Variants in SLC25A20 observed in about 807,000 individuals in gnomAD.
SLC25A20 encodes the protein mitochondrial carnitine/acylcarnitine carrier protein.
SLC25A20 carries 29 observed loss-of-function variants against 39.7 expected under a neutral mutation model. The observed-to-expected ratio is 0.73, with a 90% CI of 0.54 to 1.00. SLC25A20 has a LOEUF of 1.00. Among genes scored for constraint, SLC25A20 ranks in the 50% least tolerant of loss-of-function variants. The probability of loss-of-function intolerance (pLI) is 0.00; values close to 1 mark genes in which losing one functional copy is unlikely to be tolerated. For synonymous variants in SLC25A20, 103 were observed against 142.2 expected (o/e 0.72, Z 1.96); for missense variants, 333 against 379.9 (o/e 0.88, Z 1.03).
chr3:48,879,942 A>T (rs957695232), intron 3 of SLC25A20, among the ~76,000 whole-genome samples: 1 of 152,078 alleles, frequency 6.6e-6, no homozygotes, highest in Non-Finnish European at 1.5e-5. Flanking sequence ...GCCTGAGAAC[A>T]CTCTAAGCCA....
intron 1 of SLC25A20, among the ~76,000 whole-genome samples, chr3:48,896,183 ATTTT>A (rs920094418): frequency 6.9e-6 from 1 of 144,570 alleles, no homozygotes; most frequent in African/African-American, 2.5e-5. Context: ...CCTTGTTGTG[ATTTT>A]TTTTTTCTTT....
At position 48,857,773 on chromosome 3, in the gene SLC25A20, C is replaced by CT; in HGVS notation, c.844-2dup. 6.2e-7 allele frequency: 1 copy of CT among 1,613,570 alleles called. No individual in the cohort carries two copies. Among genetic ancestry groups the CT allele is most frequent in the African/African-American group, 1.3e-5 (1 of 74,966 alleles). ...CAACTTCAAAGCCAAGGAAACAGGCCTAAGAAGGGATTGGGAGGAAGAAAA... is the reference window on the plus strand; with the variant it reads ...CAACTTCAAAGCCAAGGAAACAGGCCTTAAGAAGGGATTGGGAGGAAGAAAA... On this transcript the variant is annotated splice_acceptor_variant, in intron 8 of 8. Transcript: ENST00000319017. LOFTEE classifies it high-confidence loss of function.
At position 48,897,375 on chromosome 3, in the gene SLC25A20, T is replaced by A. The variant is rs1433838686; in HGVS notation, c.105+1315A>T. On this transcript the variant is annotated intron_variant, in intron 1 of 8. Coordinates refer to ENST00000319017, the MANE Select transcript of SLC25A20 (RefSeq NM_000387.6). Reference sequence around the variant, plus strand: ...TATATATATATATATATATTTTTTTTTTTTTTTTTTTTAAGGGCGGCCCCA... The same window carrying A: ...TATATATATATATATATATTTTTTTATTTTTTTTTTTTAAGGGCGGCCCCA... Among the ~76,000 whole-genome samples the A allele has an allele frequency of 8.9e-4, 128 of 143,828 alleles. 1 individual carries two copies. Among genetic ancestry groups the A allele is most frequent in the African/African-American group, 2.8e-3 (109 of 39,294 alleles). The allele number at this position is 143,828 out of a possible 152,430, so 94.4% of individuals were successfully genotyped here.
intron 2 of SLC25A20, among the ~76,000 whole-genome samples, chr3:48,884,381 A>G (rs1438843874): frequency 6.6e-6 from 1 of 151,716 alleles, no homozygotes; most frequent in African/African-American, 2.4e-5. Context: ...ACAGGGTCTC[A>G]CTCTGTCGCC....
chr3:48,878,356 C>T (rs575290426), intron 4 of SLC25A20, among the ~76,000 whole-genome samples: 11 of 150,130 alleles, frequency 7.3e-5, no homozygotes, highest in Non-Finnish European at 1.5e-4. Flanking sequence ...TTATTTGAGA[C>T]AGGGTCTCAC....
At position 48,890,958 on chromosome 3, in the gene SLC25A20, C is replaced by G. The variant is rs567607809; in HGVS notation, c.198+1022G>C. On this transcript the variant is annotated intron_variant, in intron 2 of 8. Coordinates refer to ENST00000319017, the MANE Select transcript of SLC25A20 (RefSeq NM_000387.6). The stretch of plus-strand genomic sequence containing the variant: ...CGTGAGCCAGCGCGCCCAGCCACCC[C>G]CTTGTCTTGTATTCAATAAATATCA... 5.3e-5 allele frequency among the ~76,000 whole-genome samples: 8 copies of G among 151,570 alleles called. 1 individual carries two copies. The South Asian group carries it at 1.5e-3, about 28-fold the overall frequency.
At position 48,891,925 on chromosome 3, in the gene SLC25A20, A is replaced by G. The variant is rs2083880559; in HGVS notation, c.198+55T>C. The G allele has an allele frequency of 1.1e-5, 15 of 1,400,344 alleles. No individual in the cohort carries two copies. In the Admixed American group the frequency reaches 2.5e-4, roughly 23 times the overall value. 86.7% of individuals were successfully genotyped at this position (1,400,344 alleles called of 1,614,324 possible). A position where few individuals can be genotyped will look rare whatever the true frequency, so the allele number is the denominator to read the frequency against. On this transcript the variant is annotated intron_variant, in intron 2 of 8. Transcript: ENST00000319017. ...AACCTACTCTCCTTGGGGGTAACAA[A>G]TCAACCCCGTGAATGTGTTCTGAGT...
chr3:48,876,623 A>C (rs1218407959), intron 4 of SLC25A20, among the ~76,000 whole-genome samples: 1 of 150,998 alleles, frequency 6.6e-6, no homozygotes, highest in Non-Finnish European at 1.5e-5. Context: ...ACGGGGTTTC[A>C]CCATGTTGGT....
chr3:48,885,773 G>A (rs926072819), intron 2 of SLC25A20, among the ~76,000 whole-genome samples: 2 of 152,056 alleles, frequency 1.3e-5, no homozygotes, highest in African/African-American at 4.8e-5. Flanking sequence ...CTGTACTCCA[G>A]CCTGGCAACA....
In SLC25A20 at chr3:48,898,755, G is replaced by A. The variant is rs759378078; in HGVS notation, c.40C>T (p.Leu14=). ...QPKPISPLKN[L]LAGGFGGVCL... ...ACGCCGCCAAAGCCGCCGGCCAGCAGGTTCTTGAGCGGGCTGATGGGTTTT... is the reference window on the plus strand; with the variant it reads ...ACGCCGCCAAAGCCGCCGGCCAGCAAGTTCTTGAGCGGGCTGATGGGTTTT... The change falls in exon 1 of 9, where the codon CTG becomes TTG. Residue 14 remains leucine, a synonymous_variant. Transcript: ENST00000319017. 3 of 1,606,164 alleles carry A rather than the reference G, an allele frequency of 1.9e-6. No individual in the cohort carries two copies. Among genetic ancestry groups the A allele is most frequent in the East Asian group, 2.2e-5 (1 of 44,572 alleles).
chr3:48,894,920 C>T (rs934153945), intron 1 of SLC25A20, among the ~76,000 whole-genome samples: 7 of 152,060 alleles, frequency 4.6e-5, no homozygotes, highest in Non-Finnish European at 1.0e-4. Context: ...CAGGTTCAAG[C>T]GATTCTCCTG....
Position 48,892,019 on chromosome 3 carries a change from AGAGTACATGGGAGGTT to A in SLC25A20, c.143_158del (p.Gln48LeufsTer76). On this transcript the variant is annotated frameshift_variant, in exon 2 of 9. Transcript: ENST00000319017. LOFTEE classifies it high-confidence loss of function. ...TCTTCCGGAAACAGTCAAAGGTCCCAGAGTACATGGGAGGTTGTCCAGGCAAACTCGGTGGCTGTGT... is the reference window on the plus strand; with the variant it reads ...TCTTCCGGAAACAGTCAAAGGTCCCAGTCCAGGCAAACTCGGTGGCTGTGT... The A allele has an allele frequency of 6.2e-7, 1 of 1,614,094 alleles. No individual in the cohort carries two copies. Among genetic ancestry groups the A allele is most frequent in the Non-Finnish European group, 8.5e-7 (1 of 1,179,970 alleles).
chr3:48,857,419 G>A lies in SLC25A20; in HGVS notation c.*291C>T. 2.3e-6 allele frequency: 1 copy of A among 428,164 alleles called. No homozygotes were observed. The highest frequency in any genetic ancestry group is 4.4e-6 in the Non-Finnish European group (1 of 228,614). 26.5% of individuals were successfully genotyped at this position (428,164 alleles called of 1,614,324 possible). A position where few individuals can be genotyped will look rare whatever the true frequency, so the allele number is the denominator to read the frequency against. On this transcript the variant is annotated 3_prime_UTR_variant, in exon 9 of 9. Transcript: ENST00000319017. ...GGTAGGACCAGCAGTTAACTGGTAG[G>A]CAGCATTCTTGCCACAGGTAGTATC... is the stretch of plus-strand genomic sequence containing the variant.
In SLC25A20 at chr3:48,857,576, C is replaced by T; in HGVS notation, c.*134G>A. 1 of 774,932 alleles carries T rather than the reference C, an allele frequency of 1.3e-6. No homozygotes were observed. 48.0% of individuals were successfully genotyped at this position (774,932 alleles called of 1,614,324 possible). ...GATGTCATTAAGGCAACAGTCTCAC[C>T]AAGTCCATGCACAGGGCTCGGATCT... On this transcript the variant is annotated 3_prime_UTR_variant, in exon 9 of 9. Transcript: ENST00000319017.
chr3:48,897,770 C>T (rs1330095933), intron 1 of SLC25A20, among the ~76,000 whole-genome samples: 1 of 152,124 alleles, frequency 6.6e-6, no homozygotes, highest in East Asian at 1.9e-4. Context: ...CTCACATGGG[C>T]TTCCAATCTT....
At chr3:48,878,353 A>G (rs2083777665) in intron 4 of SLC25A20, among the ~76,000 whole-genome samples, 1 of 150,782 alleles carries the variant, frequency 6.6e-6, no homozygotes, top group African/African-American at 2.4e-5. Context: ...CGTTTATTTG[A>G]GACAGGGTCT....
intron 3 of SLC25A20, among the ~76,000 whole-genome samples, chr3:48,879,949 G>A (rs1283713658): frequency 3.3e-5 from 5 of 152,132 alleles, no homozygotes; most frequent in Admixed American, 2.0e-4. Flanking sequence ...AACACTCTAA[G>A]CCAAGATTCA....
At chr3:48,891,211 A>T (rs934610895) in intron 2 of SLC25A20, among the ~76,000 whole-genome samples, 3 of 152,182 alleles carry the variant, frequency 2.0e-5, no homozygotes, top group Non-Finnish European at 4.4e-5. Flanking sequence ...AGTAGCTGGG[A>T]CTACAGGCGC....
intron 3 of SLC25A20, among the ~76,000 whole-genome samples, chr3:48,882,159 ATATT>A (rs907045257): frequency 6.6e-6 from 1 of 152,162 alleles, no homozygotes; most frequent in Non-Finnish European, 1.5e-5. Flanking sequence ...TTTTCACCCA[ATATT>A]TCCACTCAGA....
Sources: gnomAD v4.1 joint callset for allele counts (sites outside exome capture counted in the v4.1 genomes callset) on GRCh38, gnomAD v4.1.1 for gene constraint, MANE v1.5 for transcripts, NCBI Gene and HGNC (gene_info 2026-07-23, HGNC 2026-07-21) for gene names.